ADAMTS19: variants seen among roughly 807,000 people sequenced by gnomAD.
ADAMTS19 encodes A disintegrin and metalloproteinase with thrombospondin motifs 19.
In ADAMTS19, 93 loss-of-function variants were observed where a neutral mutation model predicts 153.3. The ratio of observed to expected loss-of-function variants is 0.61; its 90% CI spans 0.51 to 0.72. The LOEUF (loss-of-function observed/expected upper bound fraction) is 0.72, where lower values mean the gene tolerates loss of function less well. ADAMTS19 is among the 30% of genes least tolerant of loss of function. The probability of loss-of-function intolerance (pLI) is 0.00; values close to 1 mark genes in which losing one functional copy is unlikely to be tolerated. For synonymous variants in ADAMTS19, 600 were observed against 556.6 expected, an observed-to-expected ratio of 1.08 and a Z score of -1.10; for missense variants, 1,482 against 1,552.1, an observed-to-expected ratio of 0.95 and a Z score of 0.76.
intron 8 of ADAMTS19, among the ~76,000 whole-genome samples, chr5:129,603,883 G>A (rs1053129485): frequency 6.6e-6 from 1 of 152,188 alleles, no homozygotes; most frequent in African/African-American, 2.4e-5. Flanking sequence ...TAATTACAGT[G>A]CTCTGTGAGA....
At chr5:129,490,770 C>G (rs1290340561) in intron 2 of ADAMTS19, among the ~76,000 whole-genome samples, 1 of 152,014 alleles carries the variant, frequency 6.6e-6, no homozygotes, top group Admixed American at 6.6e-5. Flanking sequence ...CTGAACTGCT[C>G]TCAGTTATCT....
At position 129,501,110 on chromosome 5, in the gene ADAMTS19, A is replaced by G. The variant is rs144777363; in HGVS notation, c.748-7967A>G. 6.5e-3 allele frequency among the ~76,000 whole-genome samples: 997 copies of G among 152,324 alleles called. 11 individuals carry two copies. Among genetic ancestry groups the G allele is most frequent in the African/African-American group, 0.023 (953 of 41,576 alleles). On this transcript the variant is annotated intron_variant, in intron 2 of 22. Transcript: ENST00000274487. ...AATTATCCTGTATGATAGGATTTAG[A>G]AGAATTTTTTAAACCATATTTTTAT...
chr5:129,546,266 T>C (rs1238395259), intron 6 of ADAMTS19, among the ~76,000 whole-genome samples: 1 of 150,118 alleles, frequency 6.7e-6, no homozygotes, highest in East Asian at 1.9e-4. Context: ...GGGATAGCAT[T>C]GGGAGATATA....
chr5:129,671,786 G>A (rs930272147), intron 16 of ADAMTS19, among the ~76,000 whole-genome samples: 2 of 152,074 alleles, frequency 1.3e-5, no homozygotes, highest in Middle Eastern at 3.4e-3. Context: ...ATAGACCTAT[G>A]TTATATCTTT....
At chr5:129,593,868 G>C (rs918865413) in intron 7 of ADAMTS19, among the ~76,000 whole-genome samples, 1 of 152,094 alleles carries the variant, frequency 6.6e-6, no homozygotes, top group Non-Finnish European at 1.5e-5. Flanking sequence ...TACTTATTCA[G>C]CTCTTCCATA....
At chr5:129,673,599 T>C (rs1460318475) in intron 16 of ADAMTS19, among the ~76,000 whole-genome samples, 1 of 152,156 alleles carries the variant, frequency 6.6e-6, no homozygotes, top group Admixed American at 6.6e-5. Context: ...AAAAAATTTG[T>C]GTTCTATTAA....
At position 129,502,032 on chromosome 5, in the gene ADAMTS19, G is replaced by T. The variant is rs185948283; in HGVS notation, c.748-7045G>T. On this transcript the variant is annotated intron_variant, in intron 2 of 22. Transcript: ENST00000274487. The stretch of plus-strand genomic sequence containing the variant: ...GTGGCGGTGGACTATGAGTGAGGGG[G>T]TTGGGGAATCATCTCCATAAAGGAG... Among the ~76,000 whole-genome samples, 16 of 152,084 alleles carry T rather than the reference G, an allele frequency of 1.1e-4. No individual in the cohort carries two copies. In the South Asian group the frequency reaches 1.2e-3, roughly 12 times the overall value.
intron 2 of ADAMTS19, among the ~76,000 whole-genome samples, chr5:129,485,600 T>C (rs1208634669): frequency 2.0e-5 from 3 of 152,016 alleles, no homozygotes; most frequent in Admixed American, 2.0e-4. Flanking sequence ...AAATACAAAC[T>C]ATTAATGAAA....
At chr5:129,490,436 G>T (rs1370263487) in intron 2 of ADAMTS19, among the ~76,000 whole-genome samples, 1 of 152,130 alleles carries the variant, frequency 6.6e-6, no homozygotes, top group African/African-American at 2.4e-5. Context: ...AGTGAGAAAA[G>T]AATATGCATT....
At chr5:129,628,871 A>T (rs959221011) in intron 10 of ADAMTS19, among the ~76,000 whole-genome samples, 1 of 152,096 alleles carries the variant, frequency 6.6e-6, no homozygotes, top group African/African-American at 2.4e-5. Context: ...CTAGGTGTGT[A>T]GTACGCTATA....
At chr5:129,532,171 T>G (rs189828493) in intron 6 of ADAMTS19, among the ~76,000 whole-genome samples, 1 of 147,356 alleles carries the variant, frequency 6.8e-6, no homozygotes, top group Non-Finnish European at 1.5e-5. Context: ...TTTTTAAAAA[T>G]GAAAACCATT....
At chr5:129,569,667 TAGC>T (rs1753829854) in intron 7 of ADAMTS19, among the ~76,000 whole-genome samples, 5 of 152,060 alleles carry the variant, frequency 3.3e-5, no homozygotes, top group Admixed American at 2.6e-4. Flanking sequence ...TACAAAAAGA[TAGC>T]AGGAAAATGT....
chr5:129,701,469 A>G lies in ADAMTS19; in HGVS notation c.3036A>G (p.Gln1012=). The G allele has an allele frequency of 6.2e-7, 1 of 1,614,200 alleles. No individual in the cohort carries two copies. Among genetic ancestry groups the G allele is most frequent in the Non-Finnish European group, 8.5e-7 (1 of 1,180,034 alleles). The change falls in exon 20 of 23, where the codon CAA becomes CAG. Residue 1012 remains glutamine, a synonymous_variant. Coordinates refer to ENST00000274487, the MANE Select transcript of ADAMTS19 (RefSeq NM_133638.6). ...MQSRQVACTQ[Q]LSNGTLIRAR... is the part of the protein sequence containing the mutation. ...GCAGACAAGTGGCCTGTACCCAACA[A>G]CTGAGCAATGGAACACTGATTAGAG... is the stretch of plus-strand genomic sequence containing the variant.
At chr5:129,649,173 T>C (rs1753203825) in intron 13 of ADAMTS19, among the ~76,000 whole-genome samples, 1 of 152,218 alleles carries the variant, frequency 6.6e-6, no homozygotes, top group African/African-American at 2.4e-5. Flanking sequence ...CCCATACCTA[T>C]TAGAACAACT....
intron 15 of ADAMTS19, among the ~76,000 whole-genome samples, chr5:129,659,479 CTG>C (rs1465556897): frequency 6.6e-6 from 1 of 152,148 alleles, no homozygotes; most frequent in Non-Finnish European, 1.5e-5. Flanking sequence ...CAAACATTTT[CTG>C]TGTTTACATT....
At chr5:129,656,035 G>T (rs1753535314) in intron 14 of ADAMTS19, among the ~76,000 whole-genome samples, 1 of 152,206 alleles carries the variant, frequency 6.6e-6, no homozygotes, top group Middle Eastern at 3.4e-3. Context: ...TTAGATTATT[G>T]TATGTCTTAA....
chr5:129,461,243 C>A lies in ADAMTS19; in HGVS notation c.233C>A (p.Ala78Asp). ...WVRGVGGGGS[A>D]RAQAAGSSRE... ...CGCGGCGTTGGGGGCGGCGGAAGCG[C>A]CCGGGCGCAGGCTGCCGGCAGCTCA... is the stretch of plus-strand genomic sequence containing the variant. Residue 78 changes from alanine (A) to aspartate (D), a missense_variant, in exon 2 of 23, where the codon GCC becomes GAC. Ala to Asp is a moderately radical substitution (Grantham distance 126, BLOSUM62 -2). Coordinates refer to ENST00000274487, the MANE Select transcript of ADAMTS19 (RefSeq NM_133638.6). The surrounding 1 kb of genome is among the most constrained non-coding windows in gnomAD (Gnocchi z 4.6). 1 of 1,264,134 alleles carries A rather than the reference C, an allele frequency of 7.9e-7. No individual in the cohort carries two copies. Among genetic ancestry groups the A allele is most frequent in the Non-Finnish European group, 9.9e-7 (1 of 1,010,536 alleles). 78.3% of individuals were successfully genotyped at this position (1,264,134 alleles called of 1,614,324 possible).
chr5:129,705,680 AC>A (rs1473803988), intron 21 of ADAMTS19, among the ~76,000 whole-genome samples: 1 of 152,244 alleles, frequency 6.6e-6, no homozygotes, highest in African/African-American at 2.4e-5. Context: ...AGAATAAAAA[AC>A]TTTGAGGCAG....
At chr5:129,572,375 G>A (rs1490248831) in intron 7 of ADAMTS19, among the ~76,000 whole-genome samples, 1 of 151,854 alleles carries the variant, frequency 6.6e-6, no homozygotes, top group Non-Finnish European at 1.5e-5. Context: ...TTATCCTAAA[G>A]GTAAATATGC....
Sources: allele counts gnomAD v4.1 joint callset (sites outside exome capture counted in the v4.1 genomes callset), GRCh38; gene constraint gnomAD v4.1.1; non-coding constraint Gnocchi (gnomAD v3.1); transcripts MANE v1.5; gene names NCBI Gene and HGNC (gene_info 2026-07-23, HGNC 2026-07-21).